Variants in KHDRBS2 observed in about 807,000 individuals in gnomAD.
KHDRBS2 encodes the protein KH domain-containing, RNA-binding, signal transduction-associated protein 2.
Under a neutral mutation model 44.3 loss-of-function variants are expected in KHDRBS2, and 26 were observed. The ratio of observed to expected loss-of-function variants is 0.59; its 90% CI spans 0.43 to 0.81. KHDRBS2 has a LOEUF of 0.81. KHDRBS2 is among the 40% of genes least tolerant of loss of function. KHDRBS2 has a pLI of 0.00. For synonymous variants in KHDRBS2, 194 were observed against 151.1 expected (o/e 1.28, Z -2.08); for missense variants, 476 against 433.1 (o/e 1.10, Z -0.88).
intron 4 of KHDRBS2, among the ~76,000 whole-genome samples, chr6:61,953,064 A>C (rs1765104313): frequency 6.6e-6 from 1 of 152,050 alleles, no homozygotes; most frequent in Non-Finnish European, 1.5e-5. Context: ...AGTTAAAAAA[A>C]TACCTGTTCA....
intron 6 of KHDRBS2, among the ~76,000 whole-genome samples, chr6:61,793,969 A>C (rs895515433): frequency 1.3e-5 from 2 of 152,174 alleles, no homozygotes; most frequent in African/African-American, 2.4e-5. Flanking sequence ...ACATGATGAC[A>C]ATTTCGGTAC....
the KHDRBS2 span, chr6:61,574,182 A>G: frequency 1.6e-6 from 1 of 637,948 alleles, no homozygotes; most frequent in Non-Finnish European, 2.8e-6. Context: ...GGCAAATCTT[A>G]CCCCGCCTGT....
chr6:61,778,128 G>T (rs1384788822), intron 6 of KHDRBS2, among the ~76,000 whole-genome samples: 1 of 152,028 alleles, frequency 6.6e-6, no homozygotes, highest in Admixed American at 6.6e-5. Context: ...TCTTATATCA[G>T]CCTTTGTACC....
chr6:61,654,414 T>C, the KHDRBS2 span, among the ~76,000 whole-genome samples: 1 of 151,814 alleles, frequency 6.6e-6, no homozygotes, highest in Non-Finnish European at 1.5e-5. Context: ...ATTGCTAGTG[T>C]TCATGAACCA....
chr6:61,909,559 A>G (rs1468301165), intron 4 of KHDRBS2, among the ~76,000 whole-genome samples: 1 of 152,158 alleles, frequency 6.6e-6, no homozygotes, highest in East Asian at 1.9e-4. Flanking sequence ...AATAATTTCC[A>G]TGAAATTCAT....
At chr6:62,155,559 T>C (rs756800469) in intron 2 of KHDRBS2, among the ~76,000 whole-genome samples, 12 of 152,218 alleles carry the variant, frequency 7.9e-5, no homozygotes, top group Non-Finnish European at 1.3e-4. Flanking sequence ...ATATGCCTTC[T>C]GCCTTGCATG....
chr6:61,574,267 TG>T, the KHDRBS2 span: 1 of 1,181,710 alleles, frequency 8.5e-7, no homozygotes, highest in Non-Finnish European at 1.2e-6. Context: ...TTAACGGCCG[TG>T]GTACCCTAAC....
At chr6:62,009,902 CTCTG>C (rs1779980006) in intron 3 of KHDRBS2, among the ~76,000 whole-genome samples, 1 of 152,170 alleles carries the variant, frequency 6.6e-6, no homozygotes, top group African/African-American at 2.4e-5. Flanking sequence ...CATGTAGAAG[CTCTG>C]CTAGGGCACT....
At chr6:62,010,743 C>T (rs1780145262) in intron 3 of KHDRBS2, among the ~76,000 whole-genome samples, 1 of 152,176 alleles carries the variant, frequency 6.6e-6, no homozygotes, top group Non-Finnish European at 1.5e-5. Flanking sequence ...ATTTGCTCCT[C>T]CTTGCCTTCC....
At chr6:61,933,109 C>T (rs1810399186) in intron 4 of KHDRBS2, among the ~76,000 whole-genome samples, 1 of 152,014 alleles carries the variant, frequency 6.6e-6, no homozygotes, top group Non-Finnish European at 1.5e-5. Context: ...GTGGGGAGGC[C>T]TCAGGAAATT....
chr6:61,688,102 A>G (rs1447515626), intron 8 of KHDRBS2, among the ~76,000 whole-genome samples: 1 of 151,890 alleles, frequency 6.6e-6, no homozygotes, highest in Non-Finnish European at 1.5e-5. Context: ...TTAAACAAAC[A>G]TATTTTATGC....
At chr6:61,913,088 C>A (rs1386385255) in intron 4 of KHDRBS2, among the ~76,000 whole-genome samples, 2 of 152,074 alleles carry the variant, frequency 1.3e-5, no homozygotes, top group South Asian at 4.2e-4. Context: ...TTTCCCCAAC[C>A]CCTTTCCTTA....
At chr6:61,585,797 G>T in the KHDRBS2 span, among the ~76,000 whole-genome samples, 2 of 152,050 alleles carry the variant, frequency 1.3e-5, no homozygotes, top group Non-Finnish European at 2.9e-5. Context: ...GATACCAAGG[G>T]CTCAAGCTTA....
intron 1 of KHDRBS2, among the ~76,000 whole-genome samples, chr6:62,248,939 G>A (rs1432494547): frequency 6.6e-6 from 1 of 152,026 alleles, no homozygotes; most frequent in East Asian, 1.9e-4. Context: ...AGAGAGAGAA[G>A]AGAAACAAAA....
At chr6:61,574,480 C>T in the KHDRBS2 span, 1 of 1,201,140 alleles carries the variant, frequency 8.3e-7, no homozygotes, top group Non-Finnish European at 1.1e-6. Context: ...AGGCTCTAAC[C>T]TACCAAACCT....
chr6:62,276,530 C>A (rs1840964192), intron 1 of KHDRBS2, among the ~76,000 whole-genome samples: 1 of 152,150 alleles, frequency 6.6e-6, no homozygotes, highest in Non-Finnish European at 1.5e-5. Context: ...TCTGCTCTGC[C>A]ACCACATCAC....
At chr6:62,063,086 T>A (rs1792452861) in intron 2 of KHDRBS2, among the ~76,000 whole-genome samples, 1 of 136,722 alleles carries the variant, frequency 7.3e-6, no homozygotes, top group Non-Finnish European at 1.6e-5. Flanking sequence ...CAGGAAGAAG[T>A]TGAATCTCTG....
intron 6 of KHDRBS2, among the ~76,000 whole-genome samples, chr6:61,891,852 G>A (rs1025711996): frequency 1.3e-5 from 2 of 152,148 alleles, no homozygotes; most frequent in Admixed American, 1.3e-4. Flanking sequence ...AGACAGGGAT[G>A]CCCTCTCTCA....
At chr6:61,576,120 A>G in the KHDRBS2 span, among the ~76,000 whole-genome samples, 1 of 152,194 alleles carries the variant, frequency 6.6e-6, no homozygotes, top group Admixed American at 6.6e-5. Flanking sequence ...ATAAATAAAT[A>G]AGTGACACTG....
Sources: gnomAD v4.1 joint callset for allele counts (sites outside exome capture counted in the v4.1 genomes callset) on GRCh38, gnomAD v4.1.1 for gene constraint, MANE v1.5 for transcripts, NCBI Gene and HGNC (gene_info 2026-07-23, HGNC 2026-07-21) for gene names.